Variants in VWA8 observed in about 807,000 individuals in gnomAD.
The protein encoded by VWA8 is von Willebrand factor A domain-containing protein 8.
A neutral mutation model predicts 241.5 loss-of-function variants in VWA8; 221 were observed. That is an observed-to-expected ratio of 0.91 (90% CI 0.82 to 1.02). VWA8 has a LOEUF of 1.02. Ranked by LOEUF, VWA8 falls within the 50% of genes least tolerant of loss-of-function variation. The pLI, the probability that VWA8 is intolerant of heterozygous loss-of-function variation, is 0.00. For synonymous variants in VWA8, 852 were observed against 827.1 expected (o/e 1.03, Z -0.52); for missense variants, 2,322 against 2,328.7 (o/e 1.00, Z 0.06).
intron 2 of VWA8, among the ~76,000 whole-genome samples, chr13:41,915,900 T>C (rs1876230749): frequency 6.6e-6 from 1 of 152,214 alleles, no homozygotes; most frequent in Admixed American, 6.5e-5. Context: ...ATGGCTATAA[T>C]TTATTGCATT....
intron 2 of VWA8, among the ~76,000 whole-genome samples, chr13:41,923,905 A>T (rs1219326541): frequency 6.6e-6 from 1 of 152,198 alleles, no homozygotes; most frequent in East Asian, 1.9e-4. Context: ...CCCCTAAAAA[A>T]GCCACTCTGT....
intron 14 of VWA8, among the ~76,000 whole-genome samples, chr13:41,825,513 C>T (rs947359250): frequency 6.6e-6 from 1 of 152,104 alleles, no homozygotes; most frequent in African/African-American, 2.4e-5. Flanking sequence ...TTTATTTGTA[C>T]AAGACTGTAG....
chr13:41,872,178 T>C (rs1366356880), intron 9 of VWA8, among the ~76,000 whole-genome samples: 1 of 152,360 alleles, frequency 6.6e-6, no homozygotes, highest in East Asian at 1.9e-4. Context: ...GTAAATTTGT[T>C]TGAGTTCTTT....
chr13:41,898,966 C>T (rs1011744120), intron 4 of VWA8, among the ~76,000 whole-genome samples: 16 of 152,238 alleles, frequency 1.1e-4, no homozygotes, highest in African/African-American at 3.9e-4. Flanking sequence ...CCTCTTCCTC[C>T]ACACCTCCCT....
At chr13:41,686,184 T>A (rs1229318603) in intron 34 of VWA8, among the ~76,000 whole-genome samples, 1 of 152,158 alleles carries the variant, frequency 6.6e-6, no homozygotes, top group African/African-American at 2.4e-5. Flanking sequence ...CCCAGGCCAA[T>A]ACATGGTCTT....
chr13:41,745,511 G>GA (rs1247265089), intron 21 of VWA8, among the ~76,000 whole-genome samples: 1 of 152,022 alleles, frequency 6.6e-6, no homozygotes, highest in South Asian at 2.1e-4. Context: ...AAATTTACAA[G>GA]AAAAAATCAA....
At chr13:41,935,617 T>C (rs568522403) in intron 2 of VWA8, among the ~76,000 whole-genome samples, 154 of 152,138 alleles carry the variant, frequency 1.0e-3, no homozygotes, top group Non-Finnish European at 1.8e-3. Flanking sequence ...AAGAAAAATA[T>C]ATAAATGGTC....
chr13:41,803,929 TG>T (rs1461144842), intron 17 of VWA8, among the ~76,000 whole-genome samples: 1 of 152,088 alleles, frequency 6.6e-6, no homozygotes, highest in Non-Finnish European at 1.5e-5. Flanking sequence ...ACAGCAAAAT[TG>T]ATCAAGCAAA....
intron 1 of VWA8, 70 bp downstream of exon 1, chr13:41,960,783 G>A (rs1322490444): frequency 6.9e-7 from 1 of 1,456,984 alleles, no homozygotes; most frequent in Non-Finnish European, 9.0e-7. Context: ...GAGAGGAGGG[G>A]CGGGGGCGCG....
chr13:41,672,777 A>G lies in VWA8; in HGVS notation c.4410-1630T>C, dbSNP rs187069240. Reference sequence around the variant, plus strand: ...GGGCTCAAAGAAGGTAACATTTGATACAATACATGGTACTCTATCAATAAA... The same window carrying G: ...GGGCTCAAAGAAGGTAACATTTGATGCAATACATGGTACTCTATCAATAAA... On this transcript the variant is annotated intron_variant, in intron 36 of 44. Coordinates refer to ENST00000379310, the MANE Select transcript of VWA8 (RefSeq NM_015058.2). Among the ~76,000 whole-genome samples, 3 of 152,324 alleles carry G rather than the reference A, an allele frequency of 2.0e-5. No individual in the cohort carries two copies. In the East Asian group the frequency reaches 5.8e-4, roughly 29 times the overall value.
intron 40 of VWA8, among the ~76,000 whole-genome samples, chr13:41,602,354 G>C (rs150186127): frequency 3.3e-4 from 50 of 152,196 alleles, no homozygotes; most frequent in African/African-American, 1.1e-3. Context: ...ATAATGAACT[G>C]AGCTTTGGGC....
At chr13:41,711,822 C>T (rs544843365) in intron 26 of VWA8, among the ~76,000 whole-genome samples, 3 of 151,746 alleles carry the variant, frequency 2.0e-5, no homozygotes, top group South Asian at 4.2e-4. Flanking sequence ...TACAGTGAGC[C>T]GAGATCATGC....
chr13:41,567,919 C>T lies in VWA8; in HGVS notation c.*278G>A. The T allele has an allele frequency of 3.2e-6, 1 of 311,026 alleles. No individual in the cohort carries two copies. The highest frequency in any genetic ancestry group is 5.9e-6 in the Non-Finnish European group (1 of 170,386). 19.3% of individuals were successfully genotyped at this position (311,026 alleles called of 1,614,324 possible). A position where few individuals can be genotyped will look rare whatever the true frequency, so the allele number is the denominator to read the frequency against. ...TAGACCAAACACATAGTTCTCAAAA[C>T]CACCTTCCTTTAACCCCAACCTTTG... is the stretch of plus-strand genomic sequence containing the variant. On this transcript the variant is annotated 3_prime_UTR_variant, in exon 45 of 45. Transcript: ENST00000379310.
intron 34 of VWA8, among the ~76,000 whole-genome samples, chr13:41,685,867 C>G (rs2045132826): frequency 6.6e-6 from 1 of 152,058 alleles, no homozygotes; most frequent in African/African-American, 2.4e-5. Flanking sequence ...TGTTATTTTT[C>G]CCTTGCTTTA....
chr13:41,685,309 G>A (rs939792826), intron 34 of VWA8, 67 bp from the exon 35 acceptor site: 11 of 1,441,526 alleles, frequency 7.6e-6, no homozygotes, highest in Middle Eastern at 1.8e-4. Context: ...CCTTAACAAC[G>A]CAGCCCTTTA....
intron 12 of VWA8, among the ~76,000 whole-genome samples, chr13:41,851,853 T>C (rs1872544028): frequency 6.6e-6 from 1 of 152,208 alleles, no homozygotes; most frequent in South Asian, 2.1e-4. Flanking sequence ...AACATGTTAA[T>C]TACCTATCTT....
At chr13:41,612,127 T>C (rs779160470) in intron 38 of VWA8, among the ~76,000 whole-genome samples, 3 of 152,262 alleles carry the variant, frequency 2.0e-5, no homozygotes, top group Non-Finnish European at 2.9e-5. Flanking sequence ...AGATACTTAG[T>C]ATATATTTGC....
chr13:41,767,632 C>G (rs747236096), intron 20 of VWA8, among the ~76,000 whole-genome samples: 7 of 152,136 alleles, frequency 4.6e-5, no homozygotes, highest in Non-Finnish European at 8.8e-5. Flanking sequence ...TAACGGTCAA[C>G]AAACAGTAGT....
chr13:41,778,537 T>A (rs1253133772), intron 19 of VWA8, among the ~76,000 whole-genome samples: 2 of 152,104 alleles, frequency 1.3e-5, no homozygotes, highest in African/African-American at 4.8e-5. Flanking sequence ...ATTTGAATTA[T>A]GACACAATAT....
Sources: allele counts gnomAD v4.1 joint callset (sites outside exome capture counted in the v4.1 genomes callset), GRCh38; gene constraint gnomAD v4.1.1; transcripts MANE v1.5; gene names NCBI Gene and HGNC (gene_info 2026-07-23, HGNC 2026-07-21).